Variants in EML6 observed in about 807,000 individuals in gnomAD.
EML6 encodes the protein EMAP like 6.
Under a neutral mutation model 240.1 loss-of-function variants are expected in EML6, and 154 were observed. That is an observed-to-expected ratio of 0.64 (90% CI 0.56 to 0.73). EML6 has a LOEUF of 0.73. Among genes scored for constraint, EML6 ranks in the 30% least tolerant of loss-of-function variants. EML6 has a pLI of 0.00. For missense variants in EML6, 2,964 were observed against 2,474.6 expected (o/e 1.20, Z -4.20); for synonymous variants, 1,148 against 899.0 (o/e 1.28, Z -4.95).
At position 54,871,433 on chromosome 2, in the gene EML6, T is replaced by G. The variant is rs1307156411; in HGVS notation, c.2239-67T>G. 1.2e-5 allele frequency: 15 copies of G among 1,258,036 alleles called. 1 individual carries two copies. Among genetic ancestry groups the G allele is most frequent in the African/African-American group, 1.2e-4 (8 of 67,552 alleles). 77.9% of individuals were successfully genotyped at this position (1,258,036 alleles called of 1,614,324 possible). A position where few individuals can be genotyped will look rare whatever the true frequency, so the allele number is the denominator to read the frequency against. On this transcript the variant is annotated intron_variant, in intron 15 of 41. Transcript: ENST00000356458. The stretch of plus-strand genomic sequence containing the variant: ...TCTTGGTTTCTGAGCAGTGTTGGAC[T>G]CTAAGGAACAAAATCATTGTTAGTA...
At chr2:54,818,102 T>A (rs548118051) in intron 4 of EML6, among the ~76,000 whole-genome samples, 12 of 152,198 alleles carry the variant, frequency 7.9e-5, no homozygotes, top group Non-Finnish European at 1.6e-4. Flanking sequence ...TTTTATATAG[T>A]CTGACCTGAA....
At chr2:54,855,921 C>T (rs1365154396) in intron 11 of EML6, among the ~76,000 whole-genome samples, 1 of 152,164 alleles carries the variant, frequency 6.6e-6, no homozygotes. Context: ...ATTCCCTGTA[C>T]ATTTTGAACC....
At chr2:54,945,026 T>G in intron 28 of EML6, among the ~76,000 whole-genome samples, 1 of 50,384 alleles carries the variant, frequency 2.0e-5, no homozygotes, top group African/African-American at 7.9e-5. Context: ...ACCCCCCTCC[T>G]TCCCTCCTCC....
chr2:54,885,831 T>C (rs188856831), intron 17 of EML6, among the ~76,000 whole-genome samples: 26 of 152,184 alleles, frequency 1.7e-4, no homozygotes, highest in African/African-American at 5.8e-4. Flanking sequence ...CAGGATGGTC[T>C]CGATCTCCTG....
chr2:54,784,994 C>T (rs1309837083), intron 2 of EML6, among the ~76,000 whole-genome samples: 1 of 152,120 alleles, frequency 6.6e-6, no homozygotes, highest in African/African-American at 2.4e-5. Context: ...AAGCAATTCA[C>T]CATTTTCTTG....
chr2:54,759,297 T>C (rs1200117042), intron 2 of EML6, among the ~76,000 whole-genome samples: 1 of 151,386 alleles, frequency 6.6e-6, no homozygotes, highest in Non-Finnish European at 1.5e-5. Context: ...GTAGCTATCT[T>C]CAAAACTTGA....
chr2:54,902,320 A>G (rs914631612), intron 22 of EML6, among the ~76,000 whole-genome samples: 9 of 152,228 alleles, frequency 5.9e-5, no homozygotes, highest in African/African-American at 1.9e-4. Flanking sequence ...ATACTCATAA[A>G]TGAATGAATA....
At chr2:54,886,160 C>CTTTTTTTTTTTTTTTTT (rs869107962) in intron 17 of EML6, among the ~76,000 whole-genome samples, 1 of 82,216 alleles carries the variant, frequency 1.2e-5, no homozygotes, top group Non-Finnish European at 2.4e-5. Flanking sequence ...TTTTAACCTT[C>CTTTTTTTTTTTTTTTTT]TTTTTTTTTT....
At chr2:54,969,565 A>G (rs1242951481) in intron 41 of EML6, among the ~76,000 whole-genome samples, 1 of 152,220 alleles carries the variant, frequency 6.6e-6, no homozygotes, top group Non-Finnish European at 1.5e-5. Context: ...GCACCAACCC[A>G]ATTGTGAACA....
intron 28 of EML6, among the ~76,000 whole-genome samples, chr2:54,929,716 TCC>T (rs774662051): frequency 6.6e-6 from 1 of 151,792 alleles, no homozygotes; most frequent in Non-Finnish European, 1.5e-5. Flanking sequence ...CTCCTCCTCC[TCC>T]TCCTCCTCCT....
intron 36 of EML6, among the ~76,000 whole-genome samples, 186 bp downstream of exon 36, chr2:54,962,897 A>C (rs1676586348): frequency 1.3e-5 from 2 of 152,244 alleles, no homozygotes; most frequent in East Asian, 3.8e-4. Flanking sequence ...AATATAATTG[A>C]GAAGGATTAT....
intron 14 of EML6, 70 bp downstream of exon 14, chr2:54,866,954 C>G (rs968348860): frequency 1.1e-6 from 1 of 878,750 alleles, no homozygotes; most frequent in Non-Finnish European, 1.8e-6. Flanking sequence ...ACCTTAGCAC[C>G]AGGCTTAAGG....
chr2:54,847,705 G>A (rs1220766644), intron 9 of EML6, 82 bp downstream of exon 9: 11 of 1,447,698 alleles, frequency 7.6e-6, no homozygotes, highest in South Asian at 1.3e-5. Flanking sequence ...TACATGCTAG[G>A]ACCTTAGGAA....
At chr2:54,949,821 G>A (rs1389876043) in intron 29 of EML6, among the ~76,000 whole-genome samples, 7 of 152,296 alleles carry the variant, frequency 4.6e-5, no homozygotes, top group Admixed American at 3.9e-4. Flanking sequence ...TAGTGTTCTC[G>A]GAAGCTGCCT....
chr2:54,859,468 G>T lies in EML6; in HGVS notation c.1658-66G>T, dbSNP rs531690968. On this transcript the variant is annotated intron_variant, in intron 11 of 41. Transcript: ENST00000356458. ...TTACTCTTCAACATGAACAGAAGGG[G>T]GGTTGTTTTAAACTAATGAACTCTT... 3.3e-4 allele frequency: 408 copies of T among 1,218,358 alleles called. 6 individuals are homozygous for T. In the South Asian group the frequency reaches 5.3e-3, roughly 16 times the overall value. 75.5% of individuals were successfully genotyped at this position (1,218,358 alleles called of 1,614,324 possible).
intron 2 of EML6, among the ~76,000 whole-genome samples, chr2:54,806,936 C>T (rs1028692842): frequency 6.6e-6 from 1 of 152,038 alleles, no homozygotes; most frequent in African/African-American, 2.4e-5. Context: ...TTCAGTGATG[C>T]ACTTGTCACG....
At chr2:54,893,746 T>C (rs1203391921) in intron 19 of EML6, among the ~76,000 whole-genome samples, 6 of 152,240 alleles carry the variant, frequency 3.9e-5, no homozygotes, top group Non-Finnish European at 8.8e-5. Context: ...AATTTTCTTT[T>C]ACCTGTCCTT....
At chr2:54,815,987 T>C (rs761563018) in intron 3 of EML6, among the ~76,000 whole-genome samples, 28 of 152,232 alleles carry the variant, frequency 1.8e-4, no homozygotes, top group Non-Finnish European at 3.4e-4. Context: ...ATACCCATTG[T>C]ACAAATGAGA....
At chr2:54,845,095 G>C (rs1038789763) in intron 8 of EML6, among the ~76,000 whole-genome samples, 1 of 152,168 alleles carries the variant, frequency 6.6e-6, no homozygotes, top group African/African-American at 2.4e-5. Context: ...AAGCTCACTA[G>C]TTCCCACCTC....
Sources: gnomAD v4.1 joint callset for allele counts (sites outside exome capture counted in the v4.1 genomes callset) on GRCh38, gnomAD v4.1.1 for gene constraint, MANE v1.5 for transcripts, NCBI Gene and HGNC (gene_info 2026-07-23, HGNC 2026-07-21) for gene names.